Variants in SSH2 observed in about 807,000 individuals in gnomAD.
SSH2 encodes the protein slingshot protein phosphatase 2, also known as protein phosphatase Slingshot homolog 2.
A neutral mutation model predicts 135.2 loss-of-function variants in SSH2; 37 were observed. The observed-to-expected ratio is 0.27, with a 90% CI of 0.21 to 0.36. SSH2 has a LOEUF of 0.36. Among genes scored for constraint, SSH2 ranks in the 10% least tolerant of loss-of-function variants. The pLI, the probability that SSH2 is intolerant of heterozygous loss-of-function variation, is 1.00. For missense variants in SSH2, 1,408 were observed against 1,765.3 expected, an observed-to-expected ratio of 0.80 and a Z score of 3.63; for synonymous variants, 628 against 646.2, an observed-to-expected ratio of 0.97 and a Z score of 0.43.
chr17:29,680,716 G>A (rs1446391387), intron 6 of SSH2, among the ~76,000 whole-genome samples: 1 of 151,998 alleles, frequency 6.6e-6, no homozygotes, highest in African/African-American at 2.4e-5. Flanking sequence ...AAGTTTTGTT[G>A]AGTAGATGAG....
intron 2 of SSH2, among the ~76,000 whole-genome samples, chr17:29,798,009 A>T (rs1308583619): frequency 1.3e-5 from 2 of 152,054 alleles, no homozygotes; most frequent in Non-Finnish European, 2.9e-5. Flanking sequence ...TTTCATATAA[A>T]ATTGCCAGGT....
intron 1 of SSH2, among the ~76,000 whole-genome samples, chr17:29,929,595 C>T (rs566829806): frequency 6.6e-6 from 1 of 152,096 alleles, no homozygotes; most frequent in East Asian, 1.9e-4. Context: ...ACGGTCCCCT[C>T]CCTGCAGCAG....
intron 15 of SSH2, among the ~76,000 whole-genome samples, chr17:29,635,047 C>A (rs190378385): frequency 2.0e-5 from 3 of 151,854 alleles, no homozygotes; most frequent in Non-Finnish European, 4.4e-5. Flanking sequence ...GGATTATAGG[C>A]ATGCGCCACC....
intron 3 of SSH2, among the ~76,000 whole-genome samples, chr17:29,773,807 A>G (rs2041637862): frequency 6.6e-6 from 1 of 152,136 alleles, no homozygotes; most frequent in African/African-American, 2.4e-5. Context: ...CCTCCCAAGT[A>G]GCTGGGATTA....
chr17:29,781,386 T>G (rs1046007299), intron 3 of SSH2, among the ~76,000 whole-genome samples: 2 of 150,390 alleles, frequency 1.3e-5, no homozygotes, highest in African/African-American at 4.9e-5. Context: ...AAGACAGAAA[T>G]CTGGAAGAAA....
chr17:29,637,431 C>A (rs552139129), intron 14 of SSH2, among the ~76,000 whole-genome samples: 1 of 152,226 alleles, frequency 6.6e-6, no homozygotes, highest in Admixed American at 6.5e-5. Context: ...ACCCTTTAAC[C>A]AACAATTCTT....
At chr17:29,746,178 T>C (rs1461861811) in intron 3 of SSH2, among the ~76,000 whole-genome samples, 5 of 152,076 alleles carry the variant, frequency 3.3e-5, no homozygotes, top group African/African-American at 1.2e-4. Flanking sequence ...ACTCATCTCT[T>C]AGGAAGAGAG....
At chr17:29,820,642 C>T (rs932362390) in intron 2 of SSH2, among the ~76,000 whole-genome samples, 6 of 152,128 alleles carry the variant, frequency 3.9e-5, no homozygotes, top group African/African-American at 1.2e-4. Context: ...GAAAGTATTC[C>T]CCAGCTTCCT....
chr17:29,636,854 A>G lies in SSH2; in HGVS notation c.1428-52T>C, dbSNP rs181497418. On this transcript the variant is annotated intron_variant, in intron 14 of 15. Transcript: ENST00000540801. ...CTTAATCTGGTTTGTAAAGATAATC[A>G]ACACCCTCCCAGGAAAACACTCCCA... The G allele has an allele frequency of 9.2e-4, 1,188 of 1,284,358 alleles. 1 individual carries two copies. Among genetic ancestry groups the G allele is most frequent in the Non-Finnish European group, 1.2e-3 (1,067 of 924,240 alleles). The allele number at this position is 1,284,358 out of a possible 1,614,324, so 79.6% of individuals were successfully genotyped here.
At chr17:29,887,136 C>G (rs1361800912) in intron 1 of SSH2, among the ~76,000 whole-genome samples, 6 of 152,008 alleles carry the variant, frequency 3.9e-5, no homozygotes, top group Non-Finnish European at 8.8e-5. Context: ...TTGGGGCCAC[C>G]TATCTTATTT....
rs1314271808 is a variant in SSH2 at position 29,635,950 on chromosome 17, T to G, written c.2262+18A>C. The G allele has an allele frequency of 6.4e-6, 10 of 1,570,172 alleles. No homozygotes were observed. The highest frequency in any genetic ancestry group is 8.7e-6 in the Non-Finnish European group (10 of 1,147,842). The stretch of plus-strand genomic sequence containing the variant: ...AAGAGAACTTCATTAGGCGGAAAAC[T>G]ATAAAGACAGTTTTTACCTTTGACT... On this transcript the variant is annotated intron_variant, in intron 15 of 15. Coordinates refer to ENST00000540801, the MANE Select transcript of SSH2 (RefSeq NM_001282129.2).
At chr17:29,698,113 T>C (rs2038835014) in intron 4 of SSH2, among the ~76,000 whole-genome samples, 1 of 152,164 alleles carries the variant, frequency 6.6e-6, no homozygotes, top group African/African-American at 2.4e-5. Flanking sequence ...ATGAATCCAT[T>C]TACAGAACAT....
intron 3 of SSH2, among the ~76,000 whole-genome samples, chr17:29,710,892 C>T (rs1360053425): frequency 2.6e-5 from 4 of 152,128 alleles, no homozygotes; most frequent in Non-Finnish European, 4.4e-5. Context: ...GGAGAAAATC[C>T]AAACTCATAT....
intron 2 of SSH2, among the ~76,000 whole-genome samples, chr17:29,821,358 C>T (rs1257148129): frequency 2.0e-5 from 3 of 151,642 alleles, no homozygotes; most frequent in African/African-American, 7.3e-5. Context: ...CTCCTGGGCT[C>T]CTCCTGCCTC....
At chr17:29,843,192 C>T (rs930600195) in intron 2 of SSH2, among the ~76,000 whole-genome samples, 1 of 152,196 alleles carries the variant, frequency 6.6e-6, no homozygotes, top group African/African-American at 2.4e-5. Flanking sequence ...TCATCCACTA[C>T]TATCTTGTTT....
At chr17:29,730,002 C>G (rs553050879) in intron 3 of SSH2, among the ~76,000 whole-genome samples, 2 of 152,064 alleles carry the variant, frequency 1.3e-5, no homozygotes. Flanking sequence ...AAGTCAACAA[C>G]AATAAATTAC....
intron 1 of SSH2, among the ~76,000 whole-genome samples, chr17:29,905,063 T>C (rs2066628310): frequency 6.6e-6 from 1 of 152,168 alleles, no homozygotes; most frequent in Non-Finnish European, 1.5e-5. Flanking sequence ...AAAATGGCCA[T>C]ATTACTTAAA....
intron 2 of SSH2, among the ~76,000 whole-genome samples, chr17:29,835,975 A>G (rs906118526): frequency 6.6e-6 from 1 of 151,040 alleles, no homozygotes; most frequent in Non-Finnish European, 1.5e-5. Context: ...AAAAAAAAAA[A>G]GGAAGCATTT....
intron 14 of SSH2, among the ~76,000 whole-genome samples, chr17:29,637,569 C>T (rs1317176984): frequency 6.6e-6 from 1 of 151,180 alleles, no homozygotes; most frequent in Non-Finnish European, 1.5e-5. Context: ...ATCGCTTGAG[C>T]CCAGAAGTTC....
Sources: gnomAD v4.1 joint callset for allele counts (sites outside exome capture counted in the v4.1 genomes callset) on GRCh38, gnomAD v4.1.1 for gene constraint, MANE v1.5 for transcripts, NCBI Gene and HGNC (gene_info 2026-07-23, HGNC 2026-07-21) for gene names.